Variants in GOLGA3 observed in about 807,000 individuals in gnomAD.
The protein encoded by GOLGA3 is golgin subfamily A member 3.
GOLGA3 carries 75 observed loss-of-function variants against 169.4 expected under a neutral mutation model. The ratio of observed to expected loss-of-function variants is 0.44; its 90% confidence interval spans 0.37 to 0.54. The LOEUF (loss-of-function observed/expected upper bound fraction) is 0.54. Ranked by LOEUF, GOLGA3 falls within the 20% of genes least tolerant of loss-of-function variation. The pLI is 0.00. For missense variants in GOLGA3, 1,899 were observed against 1,930.0 expected (o/e 0.98, Z 0.30); for synonymous variants, 824 against 822.4 (o/e 1.00, Z -0.03).
chr12:132,827,741 C>A (rs576905927), intron 1 of GOLGA3: 1 of 152,068 alleles, frequency 6.6e-6, no homozygotes, highest in Non-Finnish European at 1.5e-5. Context: ...GGTTATAAAG[C>A]GCTATGTTGA....
chr12:132,802,502 G>C (rs1349616519), intron 7 of GOLGA3, among the ~76,000 whole-genome samples: 1 of 152,046 alleles, frequency 6.6e-6, no homozygotes, highest in Non-Finnish European at 1.5e-5. Flanking sequence ...GCATGCATCT[G>C]TGGTCCCAGC....
At position 132,791,445 on chromosome 12, in the gene GOLGA3, ACT is replaced by A. The variant is rs560873596; in HGVS notation, c.2470-154_2470-153del. ...GGGGACACATCCTCACAGATGTTAC[ACT>A]GAGGGCTCCAGGAAAGGACACATCT... On this transcript the variant is annotated intron_variant, in intron 11 of 23. Transcript: ENST00000450791. 6.7e-4 allele frequency: 388 copies of A among 579,662 alleles called. 4 individuals carry two copies. The highest frequency in any genetic ancestry group is 6.7e-3 in the South Asian group (283 of 42,432). 35.9% of individuals were successfully genotyped at this position (579,662 alleles called of 1,614,324 possible).
At chr12:132,800,640 C>T (rs535850013) in intron 8 of GOLGA3, among the ~76,000 whole-genome samples, 1 of 152,098 alleles carries the variant, frequency 6.6e-6, no homozygotes. Context: ...AATATTTTAT[C>T]TGGGAAAAAA....
At chr12:132,807,408 A>G in intron 5 of GOLGA3, 120 bp from the exon 6 acceptor site, 1 of 550,018 alleles carries the variant, frequency 1.8e-6, no homozygotes, top group South Asian at 2.6e-5. Context: ...AAAATTAAGT[A>G]AGAGATTTAA....
chr12:132,791,050 C>CAAAAAAAAAAA (rs771719474), intron 12 of GOLGA3, among the ~76,000 whole-genome samples, 166 bp downstream of exon 12: 11 of 52,650 alleles, frequency 2.1e-4, no homozygotes, highest in East Asian at 1.0e-3. Context: ...GACTCCGTCT[C>CAAAAAAAAAAA]AAAAAAAAAA....
intron 1 of GOLGA3, among the ~76,000 whole-genome samples, chr12:132,823,527 T>C (rs1429392410): frequency 2.6e-5 from 4 of 152,258 alleles, no homozygotes; most frequent in African/African-American, 9.6e-5. Flanking sequence ...GGCTCATGCT[T>C]GTAATCCCAG....
intron 15 of GOLGA3, among the ~76,000 whole-genome samples, chr12:132,784,887 T>G (rs1223809326): frequency 6.6e-6 from 1 of 151,310 alleles, no homozygotes; most frequent in Non-Finnish European, 1.5e-5. Context: ...CTCCACACGC[T>G]GCACACACAC....
rs1032701952 is a variant in GOLGA3, at chr12:132,776,865, A to G, written c.3855+93T>C. The G allele has an allele frequency of 8.4e-6, 13 of 1,547,250 alleles. No individual in the cohort carries two copies. In the African/African-American group the frequency reaches 1.4e-4, roughly 16 times the overall value. On this transcript the variant is annotated intron_variant, in intron 20 of 23. Transcript: ENST00000450791. ...TATCTTTTAATACCATATTCAGAAA[A>G]CCATCACTGTTGCTCCCCAAGCAGG...
At chr12:132,822,490 C>T (rs1212139019) in intron 1 of GOLGA3, among the ~76,000 whole-genome samples, 179 bp from the exon 2 acceptor site, 38 of 152,208 alleles carry the variant, frequency 2.5e-4, no homozygotes, top group Admixed American at 2.5e-3. Context: ...AGATGCTGAC[C>T]CAGCCACACT....
At chr12:132,788,509 C>T (rs753429631) in intron 13 of GOLGA3, among the ~76,000 whole-genome samples, 11 of 152,106 alleles carry the variant, frequency 7.2e-5, no homozygotes, top group Middle Eastern at 3.2e-3. Flanking sequence ...ACCAGCATCT[C>T]GGACACCCAC....
intron 12 of GOLGA3, among the ~76,000 whole-genome samples, chr12:132,789,978 A>G (rs1271888586): frequency 2.0e-5 from 3 of 151,794 alleles, no homozygotes; most frequent in Non-Finnish European, 4.4e-5. Context: ...GGTTGCAGTG[A>G]GCGGAGACAG....
chr12:132,805,123 G>A, intron 6 of GOLGA3, 101 bp from the exon 7 acceptor site: 3 of 1,336,084 alleles, frequency 2.2e-6, no homozygotes, highest in Non-Finnish European at 3.0e-6. Flanking sequence ...GGGCCTGACA[G>A]GGGACCCCGA....
chr12:132,798,307 C>T, intron 9 of GOLGA3, 33 bp downstream of exon 9: 1 of 1,586,222 alleles, frequency 6.3e-7, no homozygotes, highest in South Asian at 1.1e-5. Context: ...CGTCTGTTCT[C>T]CTAAGCTTCC....
intron 16 of GOLGA3, 134 bp downstream of exon 16, chr12:132,784,030 A>G (rs761974519): frequency 1.3e-6 from 2 of 1,528,876 alleles, no homozygotes; most frequent in South Asian, 2.4e-5. Flanking sequence ...CGACGGTCAG[A>G]AGGTGGCAAC....
intron 11 of GOLGA3, among the ~76,000 whole-genome samples, chr12:132,792,659 C>T (rs1013501164): frequency 1.6e-4 from 24 of 148,950 alleles, no homozygotes; most frequent in Non-Finnish European, 8.9e-5. Flanking sequence ...ACGGGACCTG[C>T]ACTCGGAGGG....
chr12:132,796,836 C>T, intron 9 of GOLGA3, 136 bp from the exon 10 acceptor site: 1 of 911,452 alleles, frequency 1.1e-6, no homozygotes, highest in East Asian at 2.5e-5. Flanking sequence ...CTACCGACTG[C>T]AGACTGAGGG....
chr12:132,824,691 T>C (rs537223923), intron 1 of GOLGA3, among the ~76,000 whole-genome samples: 2 of 152,362 alleles, frequency 1.3e-5, no homozygotes, highest in South Asian at 2.1e-4. Context: ...TTTGCGTCTA[T>C]GATCATCTAG....
At chr12:132,794,069 C>A (rs533090423) in intron 11 of GOLGA3, among the ~76,000 whole-genome samples, 51 of 152,326 alleles carry the variant, frequency 3.3e-4, no homozygotes, top group African/African-American at 1.2e-3. Context: ...ACGCATCATT[C>A]ATCCGTTCCG....
At chr12:132,827,329 G>A (rs932952220) in intron 1 of GOLGA3, among the ~76,000 whole-genome samples, 1 of 152,188 alleles carries the variant, frequency 6.6e-6, no homozygotes, top group African/African-American at 2.4e-5. Flanking sequence ...TCACTGCAGA[G>A]ACGTGAAGGG....
Sources: gnomAD v4.1 joint callset for allele counts (sites outside exome capture counted in the v4.1 genomes callset) on GRCh38, gnomAD v4.1.1 for gene constraint, MANE v1.5 for transcripts, NCBI Gene and HGNC (gene_info 2026-07-23, HGNC 2026-07-21) for gene names.